Variants in EEF1E1 observed in about 807,000 individuals in gnomAD.
EEF1E1 encodes eukaryotic translation elongation factor 1 epsilon 1, also known as eukaryotic translation elongation factor 1 epsilon-1.
Under a neutral mutation model 19.9 loss-of-function variants are expected in EEF1E1, and 19 were observed. The observed-to-expected ratio is 0.95, with a 90% CI of 0.66 to 1.40. The LOEUF is 1.40. Among genes scored for constraint, EEF1E1 ranks in the 40% most tolerant of loss-of-function variants. EEF1E1 has a pLI of 0.00. For missense variants in EEF1E1, 198 were observed against 202.2 expected (o/e 0.98, Z 0.13); for synonymous variants, 81 against 80.0 (o/e 1.01, Z -0.07).
chr6:8,076,922 CATG>C (rs1757604500), downstream of EEF1E1, among the ~76,000 whole-genome samples: 1 of 146,266 alleles, frequency 6.8e-6, no homozygotes, highest in African/African-American at 2.5e-5. Flanking sequence ...GTAGATGTAG[CATG>C]ATTTTTTTTG....
downstream of EEF1E1, among the ~76,000 whole-genome samples, chr6:8,077,045 G>C (rs1024883879): frequency 6.7e-6 from 1 of 150,150 alleles, no homozygotes; most frequent in African/African-American, 2.4e-5. Context: ...CCGGGTTCAC[G>C]CCATTCTCCT....
intron 2 of EEF1E1, among the ~76,000 whole-genome samples, chr6:8,097,061 T>C (rs1758195298): frequency 6.6e-6 from 1 of 152,112 alleles, no homozygotes; most frequent in Non-Finnish European, 1.5e-5. Context: ...AGAGAAGTAG[T>C]CAAGGAAGTT....
chr6:8,099,701 C>G (rs545354308), intron 1 of EEF1E1, among the ~76,000 whole-genome samples: 8 of 149,672 alleles, frequency 5.3e-5, no homozygotes, highest in African/African-American at 2.0e-4. Flanking sequence ...GAGCCGAGAT[C>G]GCACCATTGC....
intron 3 of EEF1E1, among the ~76,000 whole-genome samples, chr6:8,081,858 G>T (rs1757730992): frequency 6.6e-6 from 1 of 152,218 alleles, no homozygotes; most frequent in African/African-American, 2.4e-5. Flanking sequence ...TGAAATATAT[G>T]ATGATTCAAA....
chr6:8,078,003 T>C (rs1757638616), downstream of EEF1E1, among the ~76,000 whole-genome samples: 1 of 152,154 alleles, frequency 6.6e-6, no homozygotes, highest in Non-Finnish European at 1.5e-5. Flanking sequence ...TCTTGAACTC[T>C]TGGGCTCAAG....
Position 8,079,833 on chromosome 6 carries a change from A to C in EEF1E1, c.*57T>G. On this transcript the variant is annotated 3_prime_UTR_variant, in exon 4 of 4. Transcript: ENST00000379715. ...AATTTACATTAGTCCTGTGGTCTAGAGTACATTTTCCATTTAAAACATTTT... is the reference window on the plus strand; with the variant it reads ...AATTTACATTAGTCCTGTGGTCTAGCGTACATTTTCCATTTAAAACATTTT... The C allele has an allele frequency of 6.4e-7, 1 of 1,571,936 alleles. No individual in the cohort carries two copies. The highest frequency in any genetic ancestry group is 8.6e-7 in the Non-Finnish European group (1 of 1,156,326).
intron 1 of EEF1E1, among the ~76,000 whole-genome samples, chr6:8,099,763 C>A (rs953516560): frequency 1.2e-5 from 1 of 84,162 alleles, no homozygotes; most frequent in African/African-American, 5.4e-5. Context: ...CACACACACA[C>A]ACACACACAC....
chr6:8,101,532 T>A (rs1435759370), intron 1 of EEF1E1, among the ~76,000 whole-genome samples: 4 of 151,342 alleles, frequency 2.6e-5, no homozygotes, highest in African/African-American at 9.7e-5. Context: ...TTAACTTAAA[T>A]AAAAACTATA....
intron 2 of EEF1E1, among the ~76,000 whole-genome samples, chr6:8,093,322 TC>T (rs1235129160): frequency 8.8e-6 from 1 of 113,782 alleles, no homozygotes; most frequent in East Asian, 2.3e-4. Context: ...GACATTCGCT[TC>T]CTTTTTTTTT....
chr6:8,085,747 T>C (rs1757836822), intron 3 of EEF1E1, among the ~76,000 whole-genome samples: 1 of 152,196 alleles, frequency 6.6e-6, no homozygotes, highest in Non-Finnish European at 1.5e-5. Flanking sequence ...ACAATGAAAA[T>C]TCCCTTAGAC....
chr6:8,085,224 G>T (rs1269383299), intron 3 of EEF1E1, among the ~76,000 whole-genome samples: 1 of 152,058 alleles, frequency 6.6e-6, no homozygotes, highest in South Asian at 2.1e-4. Flanking sequence ...ATGACTCACT[G>T]TGGCCTTGAC....
At chr6:8,084,039 A>G (rs1248644333) in intron 3 of EEF1E1, among the ~76,000 whole-genome samples, 2 of 152,184 alleles carry the variant, frequency 1.3e-5, no homozygotes, top group African/African-American at 2.4e-5. Flanking sequence ...CTTGGACTAG[A>G]GTGGGAGAGA....
At position 8,086,949 on chromosome 6, in the gene EEF1E1, C is replaced by T. The variant is rs115163695; in HGVS notation, c.384+3237G>A. ...CAGTAAGAGTGAAATGAGCTAGACC[C>T]GAAGTGTACATGAGGTACAAACACA... On this transcript the variant is annotated intron_variant, in intron 3 of 3. Coordinates refer to ENST00000379715, the MANE Select transcript of EEF1E1 (RefSeq NM_004280.5). Among the ~76,000 whole-genome samples, 270 of 152,142 alleles carry T rather than the reference C, an allele frequency of 1.8e-3. 2 individuals are homozygous for T. Among genetic ancestry groups the T allele is most frequent in the African/African-American group, 6.2e-3 (259 of 41,496 alleles).
chr6:8,097,073 C>G (rs915927459), intron 2 of EEF1E1, among the ~76,000 whole-genome samples, 194 bp downstream of exon 2: 2 of 152,126 alleles, frequency 1.3e-5, no homozygotes, highest in Non-Finnish European at 2.9e-5. Context: ...AAGGAAGTTT[C>G]CAAGGCAGCA....
chr6:8,093,164 G>C (rs1419228298), intron 2 of EEF1E1, among the ~76,000 whole-genome samples: 1 of 151,898 alleles, frequency 6.6e-6, no homozygotes, highest in Non-Finnish European at 1.5e-5. Flanking sequence ...GAGCCACCGT[G>C]CCCGGCCAAG....
intron 3 of EEF1E1, among the ~76,000 whole-genome samples, chr6:8,082,108 A>G (rs1353889186): frequency 1.3e-5 from 2 of 152,218 alleles, no homozygotes; most frequent in Non-Finnish European, 2.9e-5. Context: ...CCTATTATTT[A>G]AAGAAATACT....
chr6:8,084,260 C>T (rs1757790076), intron 3 of EEF1E1, among the ~76,000 whole-genome samples: 1 of 152,148 alleles, frequency 6.6e-6, no homozygotes, highest in African/African-American at 2.4e-5. Flanking sequence ...ACATGCTGTA[C>T]TGAATGAAAC....
At chr6:8,091,290 T>C (rs149412806) in intron 2 of EEF1E1, among the ~76,000 whole-genome samples, 1 of 152,330 alleles carries the variant, frequency 6.6e-6, no homozygotes, top group African/African-American at 2.4e-5. Flanking sequence ...TGATTAGTGA[T>C]TCCAGCATCT....
chr6:8,095,410 C>T (rs773881582), intron 2 of EEF1E1: 30 of 393,236 alleles, frequency 7.6e-5, no homozygotes, highest in South Asian at 4.2e-4. Flanking sequence ...GGCTGAGGCA[C>T]GAGAATCACT....
Sources: gnomAD v4.1 joint callset for allele counts (sites outside exome capture counted in the v4.1 genomes callset) on GRCh38, gnomAD v4.1.1 for gene constraint, MANE v1.5 for transcripts, NCBI Gene and HGNC (gene_info 2026-07-23, HGNC 2026-07-21) for gene names.